The following NHLRC2 variants were observed in gnomAD, a reference collection of about 807,000 sequenced individuals.
The protein encoded by NHLRC2 is NHL repeat-containing protein 2.
NHLRC2 carries 33 observed loss-of-function variants against 68.1 expected under a neutral mutation model. The observed-to-expected ratio is 0.48, with a 90% CI of 0.37 to 0.65. The LOEUF (loss-of-function observed/expected upper bound fraction) is 0.65. Ranked by LOEUF, NHLRC2 falls within the 30% of genes least tolerant of loss-of-function variation. The pLI, the probability that NHLRC2 is intolerant of heterozygous loss-of-function variation, is 0.00. For synonymous variants in NHLRC2, 311 were observed against 309.6 expected (o/e 1.00, Z -0.05); for missense variants, 761 against 853.8 (o/e 0.89, Z 1.35).
In NHLRC2 at chr10:113,854,859, A is replaced by G. The variant is rs1845727883; in HGVS notation, c.-14A>G. The G allele has an allele frequency of 3.9e-6, 6 of 1,537,298 alleles. No homozygotes were observed. The highest frequency in any genetic ancestry group is 5.3e-6 in the Non-Finnish European group (6 of 1,141,806). Reference sequence around the variant, plus strand: ...CCGCGGGCCCGGCGGCCGCATCGGGAGCCCGGCGGAAACATGGCGGCGCCC... The same window carrying G: ...CCGCGGGCCCGGCGGCCGCATCGGGGGCCCGGCGGAAACATGGCGGCGCCC... On this transcript the variant is annotated 5_prime_UTR_variant, in exon 1 of 11. Coordinates refer to ENST00000369301, the MANE Select transcript of NHLRC2 (RefSeq NM_198514.4).
At chr10:113,904,106 T>G (rs1365822645) in intron 9 of NHLRC2, among the ~76,000 whole-genome samples, 1 of 151,296 alleles carries the variant, frequency 6.6e-6, no homozygotes, top group East Asian at 1.9e-4. Context: ...TTGTTTTTTT[T>G]TTTTTTTCAG....
At chr10:113,859,839 G>A (rs1257400881) in intron 2 of NHLRC2, among the ~76,000 whole-genome samples, 1 of 152,122 alleles carries the variant, frequency 6.6e-6, no homozygotes, top group Non-Finnish European at 1.5e-5. Context: ...TAGAAACATT[G>A]GAAAAGATTT....
At chr10:113,862,556 A>G (rs1055537011) in intron 2 of NHLRC2, among the ~76,000 whole-genome samples, 20 of 152,322 alleles carry the variant, frequency 1.3e-4, no homozygotes, top group Middle Eastern at 3.4e-3. Flanking sequence ...AAATAGCCAA[A>G]TGACAGATAA....
intron 2 of NHLRC2, among the ~76,000 whole-genome samples, chr10:113,863,343 C>G (rs1845834231): frequency 6.6e-6 from 1 of 151,976 alleles, no homozygotes; most frequent in Non-Finnish European, 1.5e-5. Flanking sequence ...TTGTGGAAAT[C>G]AAACAGCACA....
At chr10:113,855,125 C>T (rs1845733703) in intron 1 of NHLRC2, 75 bp downstream of exon 1, 3 of 1,344,762 alleles carry the variant, frequency 2.2e-6, no homozygotes, top group East Asian at 5.0e-5. Context: ...TCCCGCGAAG[C>T]GGTGGGCTAG....
chr10:113,858,046 CTTTT>C (rs529701767), intron 1 of NHLRC2, among the ~76,000 whole-genome samples: 1 of 131,630 alleles, frequency 7.6e-6, no homozygotes, highest in South Asian at 2.4e-4. Context: ...ATATTTCTTC[CTTTT>C]TTTTTTTTTT....
In NHLRC2 at chr10:113,913,619, A is replaced by G. The variant is rs1198535756; in HGVS notation, c.*5083A>G. The G allele has an allele frequency of 6.6e-6, 1 of 152,188 alleles. No homozygotes were observed. The highest frequency in any genetic ancestry group is 1.9e-4 in the East Asian group (1 of 5,194). 9.4% of individuals were successfully genotyped at this position (152,188 alleles called of 1,614,324 possible). ...CATAAAGAGCCTTTTGCACAGGACT[A>G]TCTCAAACCCTAAGAAGCTATTCAT... is the stretch of plus-strand genomic sequence containing the variant. On this transcript the variant is annotated 3_prime_UTR_variant, in exon 11 of 11. Coordinates refer to ENST00000369301, the MANE Select transcript of NHLRC2 (RefSeq NM_198514.4).
At chr10:113,870,918 A>G (rs1040668807) in intron 2 of NHLRC2, among the ~76,000 whole-genome samples, 4 of 149,924 alleles carry the variant, frequency 2.7e-5, no homozygotes, top group Non-Finnish European at 5.9e-5. Context: ...TTTATTGTAT[A>G]TGAAGTTTTG....
Position 113,912,489 on chromosome 10 carries a change from T to G in NHLRC2, c.*3953T>G, listed in dbSNP as rs932628513. 2 of 152,248 alleles carry G rather than the reference T, an allele frequency of 1.3e-5. No individual in the cohort carries two copies. Among genetic ancestry groups the G allele is most frequent in the Non-Finnish European group, 1.5e-5 (1 of 68,046 alleles). The allele number at this position is 152,248 out of a possible 1,614,324, so 9.4% of individuals were successfully genotyped here. A position where few individuals can be genotyped will look rare whatever the true frequency, so the allele number is the denominator to read the frequency against. ...ATGCCTATAGTGTTATTAAAAATTTTTTGTACGACTTTCTGGAGCTACAAG... is the reference window on the plus strand; with the variant it reads ...ATGCCTATAGTGTTATTAAAAATTTGTTGTACGACTTTCTGGAGCTACAAG... On this transcript the variant is annotated 3_prime_UTR_variant, in exon 11 of 11. Transcript: ENST00000369301.
intron 5 of NHLRC2, among the ~76,000 whole-genome samples, chr10:113,893,117 G>C (rs1417563890): frequency 6.6e-6 from 1 of 152,040 alleles, no homozygotes; most frequent in Non-Finnish European, 1.5e-5. Context: ...CATTCCCAGG[G>C]GTACAGGGAG....
chr10:113,862,085 GGCTAGTCTTGA>G (rs1368342480), intron 2 of NHLRC2, among the ~76,000 whole-genome samples: 3 of 151,942 alleles, frequency 2.0e-5, no homozygotes, highest in African/African-American at 7.2e-5. Context: ...ATGTTGGCCA[GGCTAGTCTTGA>G]ACTCCTGACC....
Position 113,884,259 on chromosome 10 carries a change from A to G in NHLRC2, c.918A>G (p.Leu306=), listed in dbSNP as rs767513040. The part of the protein sequence containing the change: ...TENHLIRKID[L]EAEKVSTVAG... ...CCTTTGAATTTCTATAGATTGACCT[A>G]GAAGCTGAGAAGGTGAGCACTGTAG... The change falls in exon 5 of 11, where the codon CTA becomes CTG. Residue 306 remains leucine, a synonymous_variant. Transcript: ENST00000369301. 1.9e-6 allele frequency: 3 copies of G among 1,608,888 alleles called. No homozygotes were observed. The highest frequency in any genetic ancestry group is 3.3e-5 in the Admixed American group (2 of 59,712).
chr10:113,884,918 AAT>A (rs992489193), intron 5 of NHLRC2, among the ~76,000 whole-genome samples: 2 of 151,748 alleles, frequency 1.3e-5, no homozygotes, highest in Admixed American at 1.3e-4. Flanking sequence ...AATGAAACTT[AAT>A]GTTATCTTTA....
intron 2 of NHLRC2, among the ~76,000 whole-genome samples, chr10:113,861,797 T>C (rs544232753): frequency 7.4e-4 from 113 of 152,350 alleles, no homozygotes; most frequent in African/African-American, 2.4e-3. Context: ...CTTTTTGTTT[T>C]CTACATGATT....
chr10:113,876,709 ATGT>A lies in NHLRC2; in HGVS notation c.525_527del (p.Leu175del). ...AGTCATACTTGGACCTCGTGGAAAC[ATGT>A]TGTTTTCTTTGATTGGAGAGGGACA... On this transcript the variant is annotated inframe_deletion, in exon 3 of 11. Coordinates refer to ENST00000369301, the MANE Select transcript of NHLRC2 (RefSeq NM_198514.4). 1 of 1,613,956 alleles carries A rather than the reference ATGT, an allele frequency of 6.2e-7. No individual in the cohort carries two copies. The highest frequency in any genetic ancestry group is 8.5e-7 in the Non-Finnish European group (1 of 1,179,882).
intron 2 of NHLRC2, among the ~76,000 whole-genome samples, chr10:113,868,459 C>A (rs4373875): frequency 0.33 from 49,941 of 152,036 alleles, 10,706 homozygotes; most frequent in African/African-American, 0.62. Context: ...CTTACAGAAA[C>A]AAATGGGAGT....
chr10:113,888,083 T>A (rs1846098071), intron 5 of NHLRC2, among the ~76,000 whole-genome samples: 1 of 151,832 alleles, frequency 6.6e-6, no homozygotes, highest in Non-Finnish European at 1.5e-5. Flanking sequence ...AATTTTAAAA[T>A]AAAAAGTAAA....
intron 10 of NHLRC2, 82 bp from the exon 11 acceptor site, chr10:113,908,198 C>G (rs907152724): frequency 8.7e-6 from 9 of 1,029,138 alleles, no homozygotes; most frequent in Middle Eastern, 2.2e-4. Context: ...ATTTGTCGAT[C>G]GAGTTTATCT....
intron 2 of NHLRC2, among the ~76,000 whole-genome samples, chr10:113,873,826 C>T (rs966556684): frequency 4.6e-5 from 7 of 152,084 alleles, no homozygotes; most frequent in African/African-American, 1.2e-4. Context: ...AAATTAGAGA[C>T]GCGGAAGGAG....
Sources: allele counts gnomAD v4.1 joint callset (sites outside exome capture counted in the v4.1 genomes callset), GRCh38; gene constraint gnomAD v4.1.1; transcripts MANE v1.5; gene names NCBI Gene and HGNC (gene_info 2026-07-23, HGNC 2026-07-21).